ARPP21: variants seen among roughly 807,000 people sequenced by gnomAD.
The protein encoded by ARPP21 is cAMP regulated phosphoprotein 21.
Under a neutral mutation model 113.2 loss-of-function variants are expected in ARPP21, and 69 were observed. The ratio of observed to expected loss-of-function variants is 0.61; its 90% CI spans 0.50 to 0.74. The LOEUF (loss-of-function observed/expected upper bound fraction) is 0.74. Among genes scored for constraint, ARPP21 ranks in the 30% least tolerant of loss-of-function variants. The pLI is 0.00. For missense variants in ARPP21, 1,070 were observed against 1,037.4 expected (o/e 1.03, Z -0.43); for synonymous variants, 368 against 375.5 (o/e 0.98, Z 0.23).
At chr3:35,695,721 T>A (rs1230184979) in intron 9 of ARPP21, among the ~76,000 whole-genome samples, 1 of 151,584 alleles carries the variant, frequency 6.6e-6, no homozygotes, top group Non-Finnish European at 1.5e-5. Context: ...GGGGGATACA[T>A]GGCAAGCTGG....
chr3:35,685,580 C>T, intron 5 of ARPP21: 7 of 985,116 alleles, frequency 7.1e-6, no homozygotes, highest in Non-Finnish European at 8.4e-6. Context: ...TGTATCGCTT[C>T]CCCAATGTTT....
At chr3:35,757,960 A>T (rs866012227) in intron 19 of ARPP21, among the ~76,000 whole-genome samples, 2 of 152,190 alleles carry the variant, frequency 1.3e-5, no homozygotes, top group Non-Finnish European at 2.9e-5. Context: ...GGTAGAACTA[A>T]TTAGTTAATT....
intron 19 of ARPP21, among the ~76,000 whole-genome samples, chr3:35,753,900 G>T (rs141024090): frequency 6.7e-4 from 102 of 151,540 alleles, no homozygotes; most frequent in Middle Eastern, 3.5e-3. Context: ...GTTGAGTAAG[G>T]GTTGACAGTG....
chr3:35,655,548 G>A (rs1335110748), intron 1 of ARPP21, among the ~76,000 whole-genome samples: 1 of 151,952 alleles, frequency 6.6e-6, no homozygotes, highest in Non-Finnish European at 1.5e-5. Flanking sequence ...GGACTCAGGG[G>A]TTTCTGTACA....
chr3:35,759,027 A>G (rs565340792), intron 19 of ARPP21, among the ~76,000 whole-genome samples: 1 of 152,166 alleles, frequency 6.6e-6, no homozygotes, highest in South Asian at 2.1e-4. Context: ...GGAGGCAATG[A>G]CATGTTTAGT....
chr3:35,708,626 A>G (rs1023488223), intron 10 of ARPP21, among the ~76,000 whole-genome samples: 2 of 152,224 alleles, frequency 1.3e-5, no homozygotes, highest in African/African-American at 2.4e-5. Flanking sequence ...TCAGAACCAC[A>G]CAGGTAAGCA....
At chr3:35,697,828 TC>T (rs772132870) in intron 9 of ARPP21, among the ~76,000 whole-genome samples, 11 of 151,658 alleles carry the variant, frequency 7.3e-5, no homozygotes, top group Admixed American at 2.0e-4. Context: ...TGCTTTTCCT[TC>T]CGTGTTTATT....
chr3:35,762,779 G>T (rs2095830357), intron 19 of ARPP21, among the ~76,000 whole-genome samples: 2 of 152,214 alleles, frequency 1.3e-5, no homozygotes, highest in Non-Finnish European at 2.9e-5. Context: ...ATATATTGAG[G>T]TTTTATAAAA....
chr3:35,733,954 T>G (rs1328272255), intron 15 of ARPP21, among the ~76,000 whole-genome samples: 1 of 152,220 alleles, frequency 6.6e-6, no homozygotes, highest in African/African-American at 2.4e-5. Context: ...ATGAATATTT[T>G]GGGATTATAT....
intron 9 of ARPP21, 86 bp downstream of exon 9, chr3:35,691,091 A>T: frequency 7.2e-7 from 1 of 1,387,680 alleles, no homozygotes; most frequent in South Asian, 1.5e-5. Flanking sequence ...TTCACAGTAC[A>T]TGACATTTAA....
At chr3:35,662,378 T>C (rs1466255944) in intron 1 of ARPP21, among the ~76,000 whole-genome samples, 1 of 152,192 alleles carries the variant, frequency 6.6e-6, no homozygotes, top group East Asian at 1.9e-4. Flanking sequence ...CAAAGCATTT[T>C]CAACCCTTCT....
At chr3:35,693,416 C>G (rs762554868) in intron 9 of ARPP21, among the ~76,000 whole-genome samples, 1 of 151,522 alleles carries the variant, frequency 6.6e-6, no homozygotes, top group Non-Finnish European at 1.5e-5. Context: ...GGTGGTTCAT[C>G]CTCTATTTGA....
At chr3:35,782,928 A>G (rs2096555426) in intron 19 of ARPP21, among the ~76,000 whole-genome samples, 1 of 151,966 alleles carries the variant, frequency 6.6e-6, no homozygotes, top group Non-Finnish European at 1.5e-5. Flanking sequence ...TGGCTGATGT[A>G]CCCATCACTA....
At position 35,704,079 on chromosome 3, in the gene ARPP21, A is replaced by T. The variant is rs539942788; in HGVS notation, c.687-2895A>T. On this transcript the variant is annotated intron_variant, in intron 9 of 20. Transcript: ENST00000684406. The stretch of plus-strand genomic sequence containing the variant: ...AATCAACCTAGAAAAATTTTATTAG[A>T]TTCACTTGAATTTTTAAGCAAAATT... 1.2e-4 allele frequency among the ~76,000 whole-genome samples: 18 copies of T among 151,998 alleles called. No homozygotes were observed. In the East Asian group the frequency reaches 1.4e-3, roughly 11 times the overall value.
At chr3:35,769,629 C>T (rs1310879775) in intron 19 of ARPP21, among the ~76,000 whole-genome samples, 1 of 152,094 alleles carries the variant, frequency 6.6e-6, no homozygotes, top group Non-Finnish European at 1.5e-5. Flanking sequence ...TTACTGCCTC[C>T]CTCATTGCAA....
chr3:35,785,565 T>A (rs1416156916), intron 19 of ARPP21, among the ~76,000 whole-genome samples: 1 of 152,140 alleles, frequency 6.6e-6, no homozygotes, highest in Non-Finnish European at 1.5e-5. Flanking sequence ...TGTGATAACA[T>A]GGATCAGGAT....
intron 1 of ARPP21, among the ~76,000 whole-genome samples, chr3:35,664,103 A>G (rs369878257): frequency 6.6e-6 from 1 of 152,364 alleles, no homozygotes; most frequent in East Asian, 1.9e-4. Context: ...TATCTAAAGC[A>G]ATGTTTGAAA....
intron 19 of ARPP21, among the ~76,000 whole-genome samples, chr3:35,752,030 C>A (rs570697300): frequency 6.6e-6 from 1 of 152,136 alleles, no homozygotes; most frequent in East Asian, 1.9e-4. Context: ...TTTTTCTTCC[C>A]AGATAGAGAA....
intron 18 of ARPP21, 66 bp downstream of exon 18, chr3:35,739,643 C>T (rs565459301): frequency 1.3e-6 from 2 of 1,519,482 alleles, no homozygotes; most frequent in East Asian, 4.6e-5. Flanking sequence ...CTTTATCTTT[C>T]TATGTAGAAA....
Sources: gnomAD v4.1 joint callset for allele counts (sites outside exome capture counted in the v4.1 genomes callset) on GRCh38, gnomAD v4.1.1 for gene constraint, MANE v1.5 for transcripts, NCBI Gene and HGNC (gene_info 2026-07-23, HGNC 2026-07-21) for gene names.